DMD: variants seen among roughly 807,000 people sequenced by gnomAD.
DMD encodes the protein mutant dystrophin.
A neutral mutation model predicts 330.1 loss-of-function variants in DMD; 63 were observed. The observed-to-expected ratio is 0.19, with a 90% CI of 0.16 to 0.24. DMD has a LOEUF of 0.24. Among genes scored for constraint, DMD ranks in the 10% least tolerant of loss-of-function variants. The pLI is 1.00. For synonymous variants in DMD, 1,223 were observed against 959.8 expected, an observed-to-expected ratio of 1.27 and a Z score of -5.07; for missense variants, 3,344 against 2,684.1, an observed-to-expected ratio of 1.25 and a Z score of -5.43.
intron 52 of DMD, among the ~76,000 whole-genome samples, chrX:31,723,948 T>A (rs1161873682): frequency 8.9e-6 from 1 of 112,147 alleles, no homozygotes; most frequent in Non-Finnish European, 1.9e-5. Context: ...ATACCCACAT[T>A]TGATTGTGAG....
chrX:32,369,548 T>C (rs2097865407), intron 34 of DMD, among the ~76,000 whole-genome samples: 1 of 111,306 alleles, frequency 9.0e-6, no homozygotes, highest in South Asian at 3.8e-4. Context: ...GTAAAAATTA[T>C]TGGAAAAATC....
intron 63 of DMD, among the ~76,000 whole-genome samples, chrX:31,239,705 G>T (rs893957686): frequency 2.7e-5 from 3 of 111,828 alleles, no homozygotes; most frequent in Non-Finnish European, 5.6e-5. Context: ...AGCAAGCAGG[G>T]TCTAATTTTC....
intron 57 of DMD, among the ~76,000 whole-genome samples, chrX:31,492,291 T>G (rs1232138565): frequency 8.9e-6 from 1 of 112,366 alleles, no homozygotes; most frequent in African/African-American, 3.2e-5. Flanking sequence ...CTAACTGAGT[T>G]CAGGAGATCT....
At chrX:31,477,534 T>C (rs1185230726) in intron 59 of DMD, among the ~76,000 whole-genome samples, 1 of 111,613 alleles carries the variant, frequency 9.0e-6, no homozygotes, top group East Asian at 2.8e-4. Context: ...GGAATTTAAC[T>C]TTGGTCTTAT....
At chrX:32,804,535 C>G (rs2076813640) in intron 7 of DMD, among the ~76,000 whole-genome samples, 1 of 112,563 alleles carries the variant, frequency 8.9e-6, no homozygotes, top group Admixed American at 9.3e-5. Context: ...GAAGGGGCAG[C>G]TGTGGGTGCA....
chrX:32,777,844 G>A (rs940101506), intron 7 of DMD, among the ~76,000 whole-genome samples: 1 of 112,523 alleles, frequency 8.9e-6, no homozygotes, highest in Non-Finnish European at 1.9e-5. Flanking sequence ...TAAGTATCAA[G>A]TATACATTCT....
chrX:32,669,276 T>G (rs1294660290), intron 9 of DMD, among the ~76,000 whole-genome samples: 1 of 111,636 alleles, frequency 9.0e-6, no homozygotes, highest in East Asian at 2.8e-4. Flanking sequence ...ACAAGTATAC[T>G]TCTAAAACAG....
intron 7 of DMD, among the ~76,000 whole-genome samples, chrX:32,749,957 TAGTTATATAC>T (rs1204532565): frequency 8.9e-6 from 1 of 112,415 alleles, no homozygotes; most frequent in African/African-American, 3.2e-5. Context: ...AAGACATAGG[TAGTTATATAC>T]AGTTCACTGA....
At chrX:31,962,874 T>C (rs2095319284) in intron 45 of DMD, among the ~76,000 whole-genome samples, 1 of 111,670 alleles carries the variant, frequency 9.0e-6, no homozygotes. Flanking sequence ...AATGTGAATG[T>C]GTGAGCAGGC....
In DMD at chrX:32,642,850, T is replaced by G. The variant is rs747606596; in HGVS notation, c.1331+1282A>C. Among the ~76,000 whole-genome samples the G allele has an allele frequency of 3.1e-4, 34 of 111,221 alleles. No individual in the cohort carries two copies. In the South Asian group the frequency reaches 0.013, roughly 42 times the overall value. On this transcript the variant is annotated intron_variant, in intron 11 of 78. Transcript: ENST00000357033. ...GAGTGCACAAAGGAGAAGACACTGG[T>G]GGCTATTATGGCAAGGACAGTAAAG... is the stretch of plus-strand genomic sequence containing the variant.
chrX:32,997,461 G>C (rs1247133637), intron 2 of DMD, among the ~76,000 whole-genome samples: 2 of 111,608 alleles, frequency 1.8e-5, no homozygotes, highest in African/African-American at 3.3e-5. Context: ...GGTCAGGCTG[G>C]TCTCGAACTC....
chrX:31,595,487 T>C (rs1333001840), intron 55 of DMD, among the ~76,000 whole-genome samples: 1 of 111,172 alleles, frequency 9.0e-6, no homozygotes, highest in African/African-American at 3.3e-5. Context: ...ATTATAACCA[T>C]AGAAAGGACA....
At chrX:31,795,340 C>T (rs2091776626) in intron 50 of DMD, among the ~76,000 whole-genome samples, 1 of 112,031 alleles carries the variant, frequency 8.9e-6, no homozygotes, top group Admixed American at 9.5e-5. Context: ...ACAGTAGATA[C>T]ACAATTAAAA....
chrX:31,474,712 AAAAATAAAATAAAAT>A (rs749950829), intron 59 of DMD, among the ~76,000 whole-genome samples: 9 of 96,028 alleles, frequency 9.4e-5, no homozygotes, highest in Admixed American at 2.2e-4. Flanking sequence ...GTCGCAAAAA[AAAAATAAAATAAAAT>A]AAAATAAAAT....
At chrX:32,596,710 T>C (rs1020979090) in intron 12 of DMD, among the ~76,000 whole-genome samples, 2 of 109,731 alleles carry the variant, frequency 1.8e-5, no homozygotes, top group Non-Finnish European at 3.8e-5. Context: ...CACGCCCAGC[T>C]AATTTTTTGT....
intron 30 of DMD, among the ~76,000 whole-genome samples, chrX:32,397,228 A>G (rs1204987105): frequency 9.0e-6 from 1 of 111,719 alleles, no homozygotes; most frequent in Non-Finnish European, 1.9e-5. Flanking sequence ...ATTTTCACCT[A>G]ATATATACAT....
chrX:31,401,956 C>T (rs887652605), intron 60 of DMD, among the ~76,000 whole-genome samples: 3 of 111,515 alleles, frequency 2.7e-5, no homozygotes, highest in Non-Finnish European at 3.8e-5. Flanking sequence ...AGACACTGCG[C>T]TAAATGCTTT....
At chrX:32,800,648 G>C (rs995196713) in intron 7 of DMD, among the ~76,000 whole-genome samples, 1 of 110,843 alleles carries the variant, frequency 9.0e-6, no homozygotes, top group Non-Finnish European at 1.9e-5. Flanking sequence ...ATGGTGGTTT[G>C]CTGTACCAAT....
At chrX:32,054,111 G>C (rs1167336056) in intron 44 of DMD, among the ~76,000 whole-genome samples, 4 of 105,484 alleles carry the variant, frequency 3.8e-5, no homozygotes, top group African/African-American at 1.4e-4. Context: ...GAGAGAGAGA[G>C]AGAGAGAGAG....
Sources: gnomAD v4.1 joint callset for allele counts (sites outside exome capture counted in the v4.1 genomes callset) on GRCh38, gnomAD v4.1.1 for gene constraint, MANE v1.5 for transcripts, NCBI Gene and HGNC (gene_info 2026-07-23, HGNC 2026-07-21) for gene names.